FOXN3: variants seen among roughly 807,000 people sequenced by gnomAD.
The protein encoded by FOXN3 is forkhead box protein N3.
Under a neutral mutation model 38.4 loss-of-function variants are expected in FOXN3, and 7 were observed. The ratio of observed to expected loss-of-function variants is 0.18; its 90% CI spans 0.10 to 0.34. FOXN3 has a LOEUF of 0.34. Ranked by LOEUF, FOXN3 falls within the 10% of genes least tolerant of loss-of-function variation. The probability of loss-of-function intolerance (pLI) is 1.00; values close to 1 mark genes in which losing one functional copy is unlikely to be tolerated. For missense variants in FOXN3, 456 were observed against 613.4 expected (o/e 0.74, Z 2.71); for synonymous variants, 230 against 242.2 (o/e 0.95, Z 0.47).
chr14:89,498,556 A>G (rs748439624), intron 1 of FOXN3, among the ~76,000 whole-genome samples: 1 of 152,116 alleles, frequency 6.6e-6, no homozygotes, highest in Non-Finnish European at 1.5e-5. Context: ...ACTTATATGC[A>G]CTAGATAACT....
At chr14:89,501,790 G>A (rs945249523) in intron 1 of FOXN3, among the ~76,000 whole-genome samples, 2 of 152,156 alleles carry the variant, frequency 1.3e-5, no homozygotes, top group South Asian at 2.1e-4. Context: ...AGAGGTGGCA[G>A]TGAGCCCAGA....
intron 1 of FOXN3, among the ~76,000 whole-genome samples, chr14:89,436,289 T>TA (rs77915176): frequency 0.13 from 16,876 of 134,760 alleles, 1,091 homozygotes; most frequent in African/African-American, 0.15. Flanking sequence ...GTTTATTCAT[T>TA]AAAAAAAAAA....
intron 1 of FOXN3, among the ~76,000 whole-genome samples, chr14:89,476,663 A>C (rs1893216159): frequency 6.6e-6 from 1 of 152,224 alleles, no homozygotes; most frequent in Non-Finnish European, 1.5e-5. Context: ...ACAGCGATTA[A>C]GAGTCACCTC....
intron 3 of FOXN3, among the ~76,000 whole-genome samples, chr14:89,281,428 T>G (rs1886457612): frequency 1.3e-5 from 2 of 152,238 alleles, no homozygotes; most frequent in Admixed American, 6.5e-5. Context: ...GCCACCTGCC[T>G]GCTACAAATG....
intron 2 of FOXN3, among the ~76,000 whole-genome samples, chr14:89,400,921 C>T (rs376932194): frequency 3.3e-5 from 5 of 152,062 alleles, no homozygotes; most frequent in African/African-American, 1.2e-4. Flanking sequence ...ATGGAAGGAA[C>T]TACTATTTAC....
At chr14:89,603,420 T>C (rs1206678356) in intron 1 of FOXN3, among the ~76,000 whole-genome samples, 10 of 152,228 alleles carry the variant, frequency 6.6e-5, no homozygotes, top group Admixed American at 3.9e-4. Context: ...AACTAATATG[T>C]TGGAACTTAA....
intron 1 of FOXN3, among the ~76,000 whole-genome samples, chr14:89,540,725 G>A (rs1483742632): frequency 7.7e-5 from 11 of 142,416 alleles, no homozygotes; most frequent in Non-Finnish European, 3.0e-5. Context: ...GTAACACAGT[G>A]AGACTATGTC....
chr14:89,180,834 C>T (rs74717711), intron 4 of FOXN3, 28 bp from the exon 5 acceptor site: 48,946 of 1,553,636 alleles, frequency 0.032, 1,148 homozygotes, highest in African/African-American at 0.097. Context: ...AGAAAGACAC[C>T]GCACGTGAAT....
chr14:89,206,234 T>C (rs905762347), intron 4 of FOXN3, among the ~76,000 whole-genome samples: 2 of 152,084 alleles, frequency 1.3e-5, no homozygotes, highest in African/African-American at 4.8e-5. Flanking sequence ...ACTAAGTAAG[T>C]GTCATGAGGA....
upstream of FOXN3, among the ~76,000 whole-genome samples, chr14:89,418,954 TA>T (rs1192804313): frequency 2.9e-5 from 3 of 104,804 alleles, no homozygotes; most frequent in Non-Finnish European, 5.4e-5. Context: ...GTCCCCCAGC[TA>T]CACTCACACA....
At chr14:89,610,601 G>T (rs1220971662) in intron 1 of FOXN3, among the ~76,000 whole-genome samples, 1 of 152,202 alleles carries the variant, frequency 6.6e-6, no homozygotes, top group Non-Finnish European at 1.5e-5. Flanking sequence ...CTCCAGGAAG[G>T]ATCTCATGAG....
chr14:89,161,129 TTC>T lies in FOXN3; in HGVS notation c.*1283_*1284del, dbSNP rs1239119719. On this transcript the variant is annotated 3_prime_UTR_variant, in exon 6 of 6. Transcript: ENST00000557258. Reference sequence around the variant, plus strand: ...AAAAAAGTTTGTTTTTGTGATTTTTTTCTCTTTTTCTTTTTTTTCTTCAAAGG... The same window carrying T: ...AAAAAAGTTTGTTTTTGTGATTTTTTTCTTTTTCTTTTTTTTCTTCAAAGG... 4.6e-5 allele frequency: 7 copies of T among 152,510 alleles called. No homozygotes were observed. The highest frequency in any genetic ancestry group is 1.2e-4 in the African/African-American group (5 of 41,422). 9.4% of individuals were successfully genotyped at this position (152,510 alleles called of 1,614,324 possible).
chr14:89,269,851 T>C (rs1178143213), intron 4 of FOXN3, among the ~76,000 whole-genome samples: 2 of 152,166 alleles, frequency 1.3e-5, no homozygotes, highest in Non-Finnish European at 1.5e-5. Context: ...GCCAATCACT[T>C]TTCCCCACAC....
chr14:89,448,516 C>T (rs1223101824), intron 1 of FOXN3, among the ~76,000 whole-genome samples: 2 of 152,178 alleles, frequency 1.3e-5, no homozygotes, highest in African/African-American at 4.8e-5. Flanking sequence ...ATCCTCCTCC[C>T]CTTTGCCCAC....
chr14:89,464,984 C>T (rs553329428), intron 1 of FOXN3, among the ~76,000 whole-genome samples: 6 of 152,284 alleles, frequency 3.9e-5, no homozygotes, highest in Non-Finnish European at 7.4e-5. Context: ...GCGTGAGCCA[C>T]CGCACCTGAC....
chr14:89,331,555 C>T (rs555662807), intron 3 of FOXN3, among the ~76,000 whole-genome samples: 2 of 152,298 alleles, frequency 1.3e-5, no homozygotes, highest in South Asian at 4.1e-4. Flanking sequence ...GAAGAACAGA[C>T]TCAGACTCAA....
chr14:89,283,924 G>A (rs1978329), intron 3 of FOXN3, among the ~76,000 whole-genome samples: 1 of 151,888 alleles, frequency 6.6e-6, no homozygotes, highest in African/African-American at 2.4e-5. Flanking sequence ...GCAGTGGTGC[G>A]ATCTCAGCTC....
At chr14:89,172,015 G>GA (rs1212776842) in intron 5 of FOXN3, among the ~76,000 whole-genome samples, 15 of 152,212 alleles carry the variant, frequency 9.9e-5, no homozygotes, top group African/African-American at 3.4e-4. Context: ...AAGGTTGCTG[G>GA]AAAAAAATCA....
intron 1 of FOXN3, among the ~76,000 whole-genome samples, chr14:89,492,636 C>G (rs1893605096): frequency 6.6e-6 from 1 of 152,110 alleles, no homozygotes; most frequent in Non-Finnish European, 1.5e-5. Flanking sequence ...CGCTAGAGCC[C>G]AAGAGGCAGA....
Sources: gnomAD v4.1 joint callset for allele counts (sites outside exome capture counted in the v4.1 genomes callset) on GRCh38, gnomAD v4.1.1 for gene constraint, MANE v1.5 for transcripts, NCBI Gene and HGNC (gene_info 2026-07-23, HGNC 2026-07-21) for gene names.